FANCC: variants seen among roughly 807,000 people sequenced by gnomAD.
The protein encoded by FANCC is Fanconi anemia group C protein.
In FANCC, 55 loss-of-function variants were observed where a neutral mutation model predicts 71.3. The ratio of observed to expected loss-of-function variants is 0.77; its 90% CI spans 0.62 to 0.97. FANCC has a LOEUF of 0.97. FANCC is among the 50% of genes least tolerant of loss of function. FANCC has a pLI of 0.00. For synonymous variants in FANCC, 275 were observed against 244.9 expected, an observed-to-expected ratio of 1.12 and a Z score of -1.15; for missense variants, 678 against 670.9, an observed-to-expected ratio of 1.01 and a Z score of -0.12.
Position 95,172,123 on chromosome 9 carries a change from C to T in FANCC, c.370G>A (p.Ala124Thr). ...IQGVLSHILS[A>T]LRFDKEVALF... ...GCAACTTCTTTATCAAATCTGAGTGCTGAAAGTATATGAGATAATACACCC... is the reference window on the plus strand; with the variant it reads ...GCAACTTCTTTATCAAATCTGAGTGTTGAAAGTATATGAGATAATACACCC... The change falls in exon 5 of 15, where the codon GCA becomes ACA. Residue 124 changes from alanine to threonine, a missense_variant. By Grantham distance (58) the Ala-to-Thr change is moderately conservative (BLOSUM62 0). Coordinates refer to ENST00000289081, the MANE Select transcript of FANCC (RefSeq NM_000136.3). 1 of 1,612,112 alleles carries T rather than the reference C, an allele frequency of 6.2e-7. No homozygotes were observed. Among genetic ancestry groups the T allele is most frequent in the Non-Finnish European group, 8.5e-7 (1 of 1,178,374 alleles).
intron 4 of FANCC, among the ~76,000 whole-genome samples, chr9:95,227,672 C>G (rs1289607632): frequency 6.6e-6 from 1 of 152,160 alleles, no homozygotes; most frequent in East Asian, 1.9e-4. Context: ...GTCCCCCAGC[C>G]CCCATTTAAA....
chr9:95,225,836 C>T (rs1829578374), intron 4 of FANCC, among the ~76,000 whole-genome samples: 1 of 152,138 alleles, frequency 6.6e-6, no homozygotes, highest in South Asian at 2.1e-4. Flanking sequence ...TTAGGGGAGG[C>T]AAATTTTCAT....
At chr9:95,306,745 C>T (rs779750500) in intron 1 of FANCC, among the ~76,000 whole-genome samples, 1 of 152,178 alleles carries the variant, frequency 6.6e-6, no homozygotes, top group Non-Finnish European at 1.5e-5. Context: ...AAGCTGTACA[C>T]ACACAATCAA....
At chr9:95,227,781 C>T (rs1232233225) in intron 4 of FANCC, among the ~76,000 whole-genome samples, 1 of 152,196 alleles carries the variant, frequency 6.6e-6, no homozygotes, top group Admixed American at 6.5e-5. Flanking sequence ...TTCTTGAGTA[C>T]CTAACATTTG....
At chr9:95,167,002 C>A (rs72752323) in intron 6 of FANCC, among the ~76,000 whole-genome samples, 471 of 152,260 alleles carry the variant, frequency 3.1e-3, no homozygotes, top group Non-Finnish European at 5.3e-3. Flanking sequence ...GTGATGAACT[C>A]CTTCAGCTTT....
intron 4 of FANCC, among the ~76,000 whole-genome samples, chr9:95,228,605 T>C (rs942999882): frequency 6.6e-6 from 1 of 152,060 alleles, no homozygotes; most frequent in Non-Finnish European, 1.5e-5. Flanking sequence ...TGGGAGGTAA[T>C]GGGGAGACAG....
Position 95,129,619 on chromosome 9 carries a change from A to G in FANCC, c.844-3038T>C, listed in dbSNP as rs568386793. On this transcript the variant is annotated intron_variant, in intron 8 of 14. Coordinates refer to ENST00000289081, the MANE Select transcript of FANCC (RefSeq NM_000136.3). ...ATAAAATAAACCTTTTGTGGTTTCC[A>G]TCTGTTTGTTTTTCTCCATCCTACC... is the stretch of plus-strand genomic sequence containing the variant. Among the ~76,000 whole-genome samples, 230 of 152,240 alleles carry G rather than the reference A, an allele frequency of 1.5e-3. 1 individual carries two copies. Among genetic ancestry groups the G allele is most frequent in the African/African-American group, 5.4e-3 (225 of 41,544 alleles).
intron 4 of FANCC, among the ~76,000 whole-genome samples, chr9:95,208,390 C>T (rs1311849846): frequency 6.6e-6 from 1 of 152,022 alleles, no homozygotes; most frequent in African/African-American, 2.4e-5. Context: ...AGCCACTGCG[C>T]CCGGCCTCCA....
intron 1 of FANCC, among the ~76,000 whole-genome samples, chr9:95,277,475 T>C (rs979653865): frequency 1.3e-5 from 2 of 152,186 alleles, no homozygotes; most frequent in African/African-American, 4.8e-5. Flanking sequence ...CATTGCACCC[T>C]ATAAATATGC....
chr9:95,185,808 G>A (rs552287550), intron 4 of FANCC, among the ~76,000 whole-genome samples: 7 of 152,128 alleles, frequency 4.6e-5, no homozygotes, highest in East Asian at 3.9e-4. Flanking sequence ...ACATGTTTTC[G>A]GAAACACTTG....
chr9:95,252,289 A>G (rs1168784110), intron 1 of FANCC, among the ~76,000 whole-genome samples: 13 of 148,804 alleles, frequency 8.7e-5, no homozygotes, highest in Admixed American at 1.3e-4. Context: ...AAAAAAAAAA[A>G]AAAAAGAAAA....
chr9:95,248,291 A>G (rs930335618), intron 2 of FANCC, among the ~76,000 whole-genome samples: 5 of 152,192 alleles, frequency 3.3e-5, no homozygotes, highest in African/African-American at 7.2e-5. Context: ...CATCTCTCAC[A>G]TGTGTCCCAG....
chr9:95,146,546 A>T (rs1238488792), intron 7 of FANCC, among the ~76,000 whole-genome samples: 1 of 151,536 alleles, frequency 6.6e-6, no homozygotes, highest in Non-Finnish European at 1.5e-5. Context: ...AAAATGATTT[A>T]AAAACCACAG....
intron 4 of FANCC, among the ~76,000 whole-genome samples, chr9:95,230,241 T>C (rs1036700663): frequency 6.6e-6 from 1 of 152,178 alleles, no homozygotes; most frequent in African/African-American, 2.4e-5. Flanking sequence ...CCGTGCGGTG[T>C]AGTGCGGCTG....
At chr9:95,194,947 C>T (rs982053527) in intron 4 of FANCC, among the ~76,000 whole-genome samples, 2 of 152,094 alleles carry the variant, frequency 1.3e-5, no homozygotes, top group Admixed American at 6.6e-5. Context: ...CGCCTGTAAT[C>T]CCAGCACTTT....
intron 4 of FANCC, among the ~76,000 whole-genome samples, chr9:95,206,483 C>T (rs1171135307): frequency 6.6e-6 from 1 of 152,154 alleles, no homozygotes; most frequent in Non-Finnish European, 1.5e-5. Context: ...AACCACTGAA[C>T]ATAAATAGCA....
intron 4 of FANCC, among the ~76,000 whole-genome samples, chr9:95,177,024 T>C (rs371347725): frequency 5.9e-5 from 9 of 152,364 alleles, no homozygotes; most frequent in South Asian, 4.1e-4. Context: ...ATGTTTAAAA[T>C]AGCCACAAAT....
rs552462157 is a variant in FANCC at position 95,152,853 on chromosome 9, T to G, written c.522-2766A>C. Among the ~76,000 whole-genome samples, 14 of 152,046 alleles carry G rather than the reference T, an allele frequency of 9.2e-5. 1 individual carries two copies. Among genetic ancestry groups the G allele is most frequent in the African/African-American group, 2.4e-4 (10 of 41,472 alleles). On this transcript the variant is annotated intron_variant, in intron 6 of 14. Coordinates refer to ENST00000289081, the MANE Select transcript of FANCC (RefSeq NM_000136.3). Reference sequence around the variant, plus strand: ...CTCTGTATGCCAGCGATGTCCAATCTTTTTGGCTTCCTTCTTTTTGGAAAA... The same window carrying G: ...CTCTGTATGCCAGCGATGTCCAATCGTTTTGGCTTCCTTCTTTTTGGAAAA...
At chr9:95,263,008 G>A (rs1344543737) in intron 1 of FANCC, among the ~76,000 whole-genome samples, 1 of 152,180 alleles carries the variant, frequency 6.6e-6, no homozygotes, top group Non-Finnish European at 1.5e-5. Context: ...GAAAGTTCTG[G>A]GGATGGATGG....
Sources: allele counts gnomAD v4.1 joint callset (sites outside exome capture counted in the v4.1 genomes callset), GRCh38; gene constraint gnomAD v4.1.1; transcripts MANE v1.5; gene names NCBI Gene and HGNC (gene_info 2026-07-23, HGNC 2026-07-21).